Variants in TENM3 observed in about 807,000 individuals in gnomAD.
TENM3 encodes teneurin-3.
Under a neutral mutation model 255.1 loss-of-function variants are expected in TENM3, and 63 were observed. The ratio of observed to expected loss-of-function variants is 0.25; its 90% CI spans 0.20 to 0.30. The LOEUF (loss-of-function observed/expected upper bound fraction) is 0.30. Ranked by LOEUF, TENM3 falls within the 10% of genes least tolerant of loss-of-function variation. The pLI, the probability that TENM3 is intolerant of heterozygous loss-of-function variation, is 1.00. For synonymous variants in TENM3, 1,306 were observed against 1,322.3 expected (o/e 0.99, Z 0.27); for missense variants, 2,929 against 3,461.1 (o/e 0.85, Z 3.86).
the TENM3 span, among the ~76,000 whole-genome samples, chr4:181,982,241 C>CA: frequency 6.6e-6 from 1 of 152,016 alleles, no homozygotes; most frequent in South Asian, 2.1e-4. Flanking sequence ...TCAACTGAGC[C>CA]AAAATGACAA....
chr4:181,489,212 T>C, the TENM3 span, among the ~76,000 whole-genome samples: 178 of 152,322 alleles, frequency 1.2e-3, 1 homozygote, highest in Non-Finnish European at 1.9e-3. Flanking sequence ...ATATTGAGTT[T>C]TAGGACTTCA....
the TENM3 span, among the ~76,000 whole-genome samples, chr4:181,887,604 G>T: frequency 6.6e-6 from 1 of 152,016 alleles, no homozygotes; most frequent in Non-Finnish European, 1.5e-5. Flanking sequence ...ATTTCCAAGG[G>T]CATTTGCCTT....
At chr4:181,666,945 T>C in the TENM3 span, among the ~76,000 whole-genome samples, 1 of 152,128 alleles carries the variant, frequency 6.6e-6, no homozygotes, top group Non-Finnish European at 1.5e-5. Context: ...TATCAGCACA[T>C]ATAAGTCTAT....
At chr4:182,406,220 G>C (rs2151056885) in intron 3 of TENM3, among the ~76,000 whole-genome samples, 1 of 152,176 alleles carries the variant, frequency 6.6e-6, no homozygotes, top group South Asian at 2.1e-4. Flanking sequence ...CAGGAGAATT[G>C]CTTGAACCTG....
chr4:182,066,262 T>A, the TENM3 span, among the ~76,000 whole-genome samples: 2 of 152,092 alleles, frequency 1.3e-5, no homozygotes, highest in Non-Finnish European at 2.9e-5. Context: ...ACCTTTTTTT[T>A]ATGCGCTTGT....
At chr4:182,613,029 T>C (rs1252111886) in intron 4 of TENM3, among the ~76,000 whole-genome samples, 2 of 152,206 alleles carry the variant, frequency 1.3e-5, no homozygotes, top group African/African-American at 4.8e-5. Flanking sequence ...CCTGAAATTC[T>C]TCTCTTGATC....
chr4:181,623,254 G>A, the TENM3 span, among the ~76,000 whole-genome samples: 3 of 152,242 alleles, frequency 2.0e-5, no homozygotes, highest in African/African-American at 4.8e-5. Context: ...TGTAAAATGG[G>A]GAAAATAATT....
the TENM3 span, among the ~76,000 whole-genome samples, chr4:181,736,766 G>A: frequency 6.6e-6 from 1 of 152,028 alleles, no homozygotes; most frequent in Non-Finnish European, 1.5e-5. Context: ...GGGACTCACT[G>A]TTTCATAACC....
intron 18 of TENM3, among the ~76,000 whole-genome samples, chr4:182,740,605 A>T (rs1761527646): frequency 6.6e-6 from 1 of 152,178 alleles, no homozygotes; most frequent in Non-Finnish European, 1.5e-5. Flanking sequence ...TAGCTACAGG[A>T]TTTCACTCAA....
the TENM3 span, among the ~76,000 whole-genome samples, chr4:181,538,248 A>C: frequency 7.9e-5 from 12 of 152,270 alleles, no homozygotes; most frequent in East Asian, 2.1e-3. Flanking sequence ...AGCTCTCACA[A>C]TACGATCGGT....
chr4:181,540,602 G>T, the TENM3 span, among the ~76,000 whole-genome samples: 1 of 152,136 alleles, frequency 6.6e-6, no homozygotes, highest in Non-Finnish European at 1.5e-5. Flanking sequence ...ATCATGAAAA[G>T]ATCACTTTAG....
chr4:182,131,453 A>C, the TENM3 span, among the ~76,000 whole-genome samples: 1 of 152,290 alleles, frequency 6.6e-6, no homozygotes, highest in Admixed American at 6.5e-5. Context: ...ACCCACGATT[A>C]GCATTGATTT....
intron 3 of TENM3, among the ~76,000 whole-genome samples, chr4:182,463,362 C>T (rs1344655971): frequency 2.6e-5 from 4 of 152,014 alleles, no homozygotes; most frequent in Non-Finnish European, 5.9e-5. Flanking sequence ...TGTGAGATGG[C>T]CACTGTCATT....
At chr4:182,525,048 G>T (rs1158611870) in intron 3 of TENM3, among the ~76,000 whole-genome samples, 1 of 151,880 alleles carries the variant, frequency 6.6e-6, no homozygotes, top group Non-Finnish European at 1.5e-5. Context: ...CAACAAAAAA[G>T]ACCAGAGGGA....
intron 13 of TENM3, among the ~76,000 whole-genome samples, chr4:182,723,146 C>A (rs1038386870): frequency 6.6e-6 from 1 of 152,130 alleles, no homozygotes; most frequent in African/African-American, 2.4e-5. Context: ...GGAGAATGAC[C>A]AGCCTGGAGT....
Position 182,483,236 on chromosome 4 carries a change from A to T in TENM3, c.512-117688A>T, listed in dbSNP as rs748911123. 1.2e-3 allele frequency among the ~76,000 whole-genome samples: 183 copies of T among 152,180 alleles called. 4 individuals carry two copies. The highest frequency in any genetic ancestry group is 3.2e-4 in the Non-Finnish European group (22 of 68,024). On this transcript the variant is annotated intron_variant, in intron 3 of 27. Transcript: ENST00000511685. Reference sequence around the variant, plus strand: ...GTGTTTGTCTCTATGGCACATTATCAACGTGTCTCTGTAGCAGAAATAGTA... The same window carrying T: ...GTGTTTGTCTCTATGGCACATTATCTACGTGTCTCTGTAGCAGAAATAGTA...
intron 3 of TENM3, among the ~76,000 whole-genome samples, chr4:182,571,694 G>C (rs1430235182): frequency 6.6e-6 from 1 of 152,110 alleles, no homozygotes; most frequent in African/African-American, 2.4e-5. Context: ...TATGATCTAT[G>C]TTTCAGAAAA....
rs1188415277 is a variant in TENM3, at chr4:182,154,940, C to G, written c.-76+10186C>G. On this transcript the variant is annotated intron_variant, in intron 1 of 2. Transcript: ENST00000512480. Reference sequence around the variant, plus strand: ...AACTTGTAATGAACAATTGTTTGCACAGCATAAGAGTCTGATAAAAATGTG... The same window carrying G: ...AACTTGTAATGAACAATTGTTTGCAGAGCATAAGAGTCTGATAAAAATGTG... 2.6e-5 allele frequency among the ~76,000 whole-genome samples: 4 copies of G among 152,106 alleles called. No homozygotes were observed. In the East Asian group the frequency reaches 7.7e-4, roughly 29 times the overall value.
chr4:181,700,349 A>T, the TENM3 span, among the ~76,000 whole-genome samples: 1 of 152,198 alleles, frequency 6.6e-6, no homozygotes, highest in Non-Finnish European at 1.5e-5. Flanking sequence ...AGTTAAAAAG[A>T]ATCAATTGCT....
Sources: allele counts gnomAD v4.1 joint callset (sites outside exome capture counted in the v4.1 genomes callset), GRCh38; gene constraint gnomAD v4.1.1; transcripts MANE v1.5; gene names NCBI Gene and HGNC (gene_info 2026-07-23, HGNC 2026-07-21).